DIP2B: variants seen among roughly 807,000 people sequenced by gnomAD.
The protein encoded by DIP2B is disco-interacting protein 2 homolog B.
DIP2B carries 76 observed loss-of-function variants against 198.0 expected under a neutral mutation model. The observed-to-expected ratio is 0.38, with a 90% CI of 0.32 to 0.46. DIP2B has a LOEUF of 0.46. Ranked by LOEUF, DIP2B falls within the 20% of genes least tolerant of loss-of-function variation. The pLI is 0.99. For missense variants in DIP2B, 1,559 were observed against 1,978.4 expected (o/e 0.79, Z 4.02); for synonymous variants, 701 against 739.1 (o/e 0.95, Z 0.84).
intron 1 of DIP2B, among the ~76,000 whole-genome samples, chr12:50,592,931 T>A (rs971264569): frequency 4.6e-5 from 7 of 152,176 alleles, no homozygotes; most frequent in African/African-American, 1.4e-4. Flanking sequence ...ATTGTCATAT[T>A]CTCTAGGCAC....
At chr12:50,634,315 T>C (rs1201985026) in intron 2 of DIP2B, among the ~76,000 whole-genome samples, 3 of 152,202 alleles carry the variant, frequency 2.0e-5, no homozygotes, top group Admixed American at 2.0e-4. Flanking sequence ...TGCAGGAAAA[T>C]GGAAGATTTT....
At chr12:50,693,034 G>A in intron 14 of DIP2B, 21 bp downstream of exon 14, 9 of 1,603,524 alleles carry the variant, frequency 5.6e-6, no homozygotes, top group Non-Finnish European at 7.6e-6. Context: ...CAGATTTAAG[G>A]CCCTTAGTGT....
intron 3 of DIP2B, among the ~76,000 whole-genome samples, chr12:50,642,803 A>C (rs1187811944): frequency 2.0e-5 from 3 of 152,158 alleles, no homozygotes; most frequent in Admixed American, 6.5e-5. Context: ...AAAAACAACA[A>C]CACATCGTGG....
intron 1 of DIP2B, among the ~76,000 whole-genome samples, chr12:50,507,087 C>T (rs1344825992): frequency 6.6e-6 from 1 of 152,142 alleles, no homozygotes; most frequent in East Asian, 1.9e-4. Context: ...ATTAGCTCAC[C>T]TCTCTCTCCT....
chr12:50,647,349 C>T (rs1938368769), intron 3 of DIP2B, among the ~76,000 whole-genome samples: 1 of 152,088 alleles, frequency 6.6e-6, no homozygotes, highest in Non-Finnish European at 1.5e-5. Context: ...CAAGAATGGG[C>T]TTCAGAATGG....
At position 50,697,057 on chromosome 12, in the gene DIP2B, T is replaced by G; in HGVS notation, c.1934-4T>G. The G allele has an allele frequency of 6.2e-7, 1 of 1,612,836 alleles. No homozygotes were observed. Among genetic ancestry groups the G allele is most frequent in the Non-Finnish European group, 8.5e-7 (1 of 1,179,102 alleles). Reference sequence around the variant, plus strand: ...CTTCAGGTTGATCTGTTCCAACTCCTTAGGGTCCGTGTCATCCTGTGATGC... The same window carrying G: ...CTTCAGGTTGATCTGTTCCAACTCCGTAGGGTCCGTGTCATCCTGTGATGC... On this transcript the variant is annotated splice_polypyrimidine_tract_variant and splice_region_variant and intron_variant, in intron 16 of 37. Coordinates refer to ENST00000301180, the MANE Select transcript of DIP2B (RefSeq NM_173602.3).
intron 30 of DIP2B, among the ~76,000 whole-genome samples, chr12:50,730,888 G>A (rs1423885547): frequency 2.0e-5 from 3 of 152,090 alleles, no homozygotes; most frequent in Non-Finnish European, 4.4e-5. Context: ...CTGGCTTATC[G>A]AGCTTGAATG....
At chr12:50,716,515 G>A (rs1182064995) in intron 23 of DIP2B, among the ~76,000 whole-genome samples, 1 of 151,636 alleles carries the variant, frequency 6.6e-6, no homozygotes, top group Admixed American at 6.6e-5. Context: ...GCGACTGAGC[G>A]AGACTCTGTC....
At chr12:50,695,503 T>G in intron 15 of DIP2B, 143 bp downstream of exon 15, 4 of 809,710 alleles carry the variant, frequency 4.9e-6, no homozygotes, top group Non-Finnish European at 8.0e-6. Flanking sequence ...TTAGGTACCT[T>G]GCCTGTTCAT....
chr12:50,554,597 G>T (rs1003890741), intron 1 of DIP2B, among the ~76,000 whole-genome samples: 1 of 152,080 alleles, frequency 6.6e-6, no homozygotes, highest in Admixed American at 6.6e-5. Context: ...TTGGTCACTG[G>T]GTGCGTGGCA....
At chr12:50,625,508 G>A (rs1937914757) in intron 1 of DIP2B, among the ~76,000 whole-genome samples, 1 of 152,190 alleles carries the variant, frequency 6.6e-6, no homozygotes, top group Admixed American at 6.5e-5. Flanking sequence ...GGTACAGAAA[G>A]TCCTTTTAAT....
chr12:50,699,719 C>T (rs936203979), intron 19 of DIP2B, among the ~76,000 whole-genome samples: 8 of 151,906 alleles, frequency 5.3e-5, no homozygotes, highest in African/African-American at 1.7e-4. Flanking sequence ...AAAAATTAGC[C>T]AGACATGGTG....
At chr12:50,572,744 G>T (rs1423404318) in intron 1 of DIP2B, among the ~76,000 whole-genome samples, 1 of 152,134 alleles carries the variant, frequency 6.6e-6, no homozygotes, top group Non-Finnish European at 1.5e-5. Flanking sequence ...TTGGTTACAG[G>T]TTCTCCTTTG....
intron 2 of DIP2B, among the ~76,000 whole-genome samples, chr12:50,629,134 G>A (rs1361089963): frequency 1.3e-5 from 2 of 151,958 alleles, no homozygotes; most frequent in African/African-American, 2.4e-5. Context: ...CACCCGTCTC[G>A]GCCTCCCAAA....
intron 23 of DIP2B, among the ~76,000 whole-genome samples, chr12:50,718,399 C>A (rs61926278): frequency 0.32 from 48,509 of 152,016 alleles, 7,910 homozygotes; most frequent in South Asian, 0.36. Flanking sequence ...TTCCTGTATA[C>A]CCCAAACTAG....
chr12:50,657,429 A>G (rs1938573705), intron 3 of DIP2B, among the ~76,000 whole-genome samples: 1 of 152,134 alleles, frequency 6.6e-6, no homozygotes, highest in African/African-American at 2.4e-5. Context: ...AAAGTAACCA[A>G]CTTTGCAATT....
rs891674452 is a variant in DIP2B at position 50,556,538 on chromosome 12, T to G, written c.100+51298T>G. ...TAGAAGGGCTGTTTATTGACTTAAA[T>G]GACACTATGTATTGTGAGACTTTTT... On this transcript the variant is annotated intron_variant, in intron 1 of 37. Transcript: ENST00000301180. Among the ~76,000 whole-genome samples, 4 of 149,232 alleles carry G rather than the reference T, an allele frequency of 2.7e-5. No homozygotes were observed. The Admixed American group carries it at 2.7e-4, about 10-fold the overall frequency.
intron 19 of DIP2B, among the ~76,000 whole-genome samples, chr12:50,701,427 G>A (rs1244844903): frequency 6.6e-6 from 1 of 152,164 alleles, no homozygotes; most frequent in Non-Finnish European, 1.5e-5. Flanking sequence ...CTGTCGCCCA[G>A]GCGGAGTGCA....
chr12:50,691,059 G>A lies in DIP2B; in HGVS notation c.1562G>A (p.Ser521Asn). 1 of 1,613,724 alleles carries A rather than the reference G, an allele frequency of 6.2e-7. No homozygotes were observed. The highest frequency in any genetic ancestry group is 8.5e-7 in the Non-Finnish European group (1 of 1,179,878). ...GTTTTTGTTTTCTAGTATAAAACAA[G>A]CAAAGAAGGGAGTGTAATGGGAGTT... Reference protein sequence around the residue: ...TEPAYIEYKTSKEGSVMGVTV... With the variant: ...TEPAYIEYKTNKEGSVMGVTV... The change falls in exon 13 of 38, where the codon AGC becomes AAC. Residue 521 changes from serine (S) to asparagine (N), a missense_variant. Ser to Asn is a conservative substitution (Grantham distance 46). Transcript: ENST00000301180.
Sources: gnomAD v4.1 joint callset for allele counts (sites outside exome capture counted in the v4.1 genomes callset) on GRCh38, gnomAD v4.1.1 for gene constraint, MANE v1.5 for transcripts, NCBI Gene and HGNC (gene_info 2026-07-23, HGNC 2026-07-21) for gene names.